The following USP16 variants were observed in gnomAD, a reference collection of about 807,000 sequenced individuals.
The protein encoded by USP16 is ubiquitin specific peptidase 16.
Under a neutral mutation model 95.9 loss-of-function variants are expected in USP16, and 77 were observed. The observed-to-expected ratio is 0.80, with a 90% CI of 0.67 to 0.97. The LOEUF is 0.97. Ranked by LOEUF, USP16 falls within the 50% of genes least tolerant of loss-of-function variation. USP16 has a pLI of 0.00. For missense variants in USP16, 943 were observed against 959.9 expected (o/e 0.98, Z 0.23); for synonymous variants, 303 against 318.2 (o/e 0.95, Z 0.51).
At chr21:29,048,883 T>G in intron 15 of USP16, 28 bp downstream of exon 15, 1 of 1,541,198 alleles carries the variant, frequency 6.5e-7, no homozygotes, top group East Asian at 2.2e-5. Context: ...AAATTTGTTT[T>G]AAATATGTAA....
intron 14 of USP16, 112 bp downstream of exon 14, chr21:29,047,433 C>A: frequency 8.4e-7 from 1 of 1,189,136 alleles, no homozygotes; most frequent in Non-Finnish European, 1.2e-6. Flanking sequence ...AATAAGTGTC[C>A]TTTTCTGTGT....
In USP16 at chr21:29,034,830, T is replaced by A. The variant is rs2085130317; in HGVS notation, c.241-7T>A. On this transcript the variant is annotated splice_region_variant and splice_polypyrimidine_tract_variant and intron_variant, in intron 3 of 17. Transcript: ENST00000399976. ...GGCTTTGAGGTTTATGATTATGATT[T>A]TTTTAGGGCTGTGGCAGAAATTCTC... 1.9e-6 allele frequency: 3 copies of A among 1,613,976 alleles called. No individual in the cohort carries two copies. Among genetic ancestry groups the A allele is most frequent in the Non-Finnish European group, 2.5e-6 (3 of 1,179,900 alleles).
chr21:29,027,771 T>C lies in USP16; in HGVS notation c.-41-102T>C, dbSNP rs2085014273. 3 of 761,206 alleles carry C rather than the reference T, an allele frequency of 3.9e-6. No homozygotes were observed. The East Asian group carries it at 8.1e-5, about 21-fold the overall frequency. 47.2% of individuals were successfully genotyped at this position (761,206 alleles called of 1,614,324 possible). A position where few individuals can be genotyped will look rare whatever the true frequency, so the allele number is the denominator to read the frequency against. On this transcript the variant is annotated intron_variant, in intron 1 of 17. Transcript: ENST00000399976. ...TTGGTCTTTGTAAATTACAATGTGATAGACATGCATAATATACGTGGCTTA... is the reference window on the plus strand; with the variant it reads ...TTGGTCTTTGTAAATTACAATGTGACAGACATGCATAATATACGTGGCTTA...
At chr21:29,030,044 C>T (rs1426342792) in intron 2 of USP16, among the ~76,000 whole-genome samples, 5 of 151,948 alleles carry the variant, frequency 3.3e-5, no homozygotes, top group Non-Finnish European at 7.4e-5. Context: ...GTTACCTCCC[C>T]TGTGAAACTT....
chr21:29,044,398 C>G (rs1206420974), intron 13 of USP16, among the ~76,000 whole-genome samples: 5 of 150,698 alleles, frequency 3.3e-5, no homozygotes, highest in African/African-American at 1.2e-4. Flanking sequence ...TTTGTTTATA[C>G]TTAGATTCTT....
At chr21:29,029,867 T>A (rs940839392) in intron 2 of USP16, among the ~76,000 whole-genome samples, 1 of 152,236 alleles carries the variant, frequency 6.6e-6, no homozygotes, top group South Asian at 2.1e-4. Flanking sequence ...ATGTGGGTAC[T>A]AAATCTTAGT....
At chr21:29,029,034 C>T (rs182901958) in intron 2 of USP16, among the ~76,000 whole-genome samples, 137 of 152,314 alleles carry the variant, frequency 9.0e-4, no homozygotes, top group Middle Eastern at 3.4e-3. Flanking sequence ...CCCCTATTAG[C>T]GTAGTAAAGT....
intron 1 of USP16, chr21:29,025,004 C>G (rs2084964708): frequency 2.9e-6 from 1 of 347,118 alleles, no homozygotes; most frequent in Non-Finnish European, 5.1e-6. Context: ...CCCGTGGACC[C>G]AGAGGTTCCC....
intron 4 of USP16, 26 bp downstream of exon 4, chr21:29,034,966 G>A (rs1485138283): frequency 6.3e-7 from 1 of 1,580,666 alleles, no homozygotes; most frequent in African/African-American, 1.4e-5. Context: ...TCTGCCTCTT[G>A]GGTGGAAATT....
intron 13 of USP16, among the ~76,000 whole-genome samples, chr21:29,045,158 A>G (rs2085304466): frequency 6.6e-6 from 1 of 152,068 alleles, no homozygotes; most frequent in African/African-American, 2.4e-5. Flanking sequence ...GTTTTTGCTT[A>G]TATTCTTTTC....
chr21:29,039,422 A>C, intron 8 of USP16, 59 bp from the exon 9 acceptor site: 1 of 1,547,280 alleles, frequency 6.5e-7, no homozygotes, highest in African/African-American at 1.4e-5. Flanking sequence ...ATTTTCTAAA[A>C]ATAGCTTCAG....
Position 29,042,518 on chromosome 21 carries a change from T to C in USP16, c.1169T>C (p.Leu390Ser), listed in dbSNP as rs541139718. The C allele has an allele frequency of 1.7e-5, 27 of 1,601,946 alleles. No individual in the cohort carries two copies. In the South Asian group the frequency reaches 2.9e-4, roughly 17 times the overall value. Residue 390 changes from leucine (L) to serine (S), a missense_variant, in exon 12 of 18, where the codon TTA becomes TCA. Leu to Ser is a moderately radical substitution (Grantham distance 145). Transcript: ENST00000399976. ...TTCCTTGATTTGTCCCTCCCAGTTT[T>C]AGATGATCAGGTAAGACTATTGAAT... ...ESFLDLSLPV[L>S]DDQSGKKSVN...
chr21:29,026,235 G>C (rs981890806), intron 1 of USP16, among the ~76,000 whole-genome samples: 1 of 152,106 alleles, frequency 6.6e-6, no homozygotes, highest in Non-Finnish European at 1.5e-5. Flanking sequence ...GAGGCAGGTG[G>C]ATCACGAGGT....
chr21:29,041,423 T>C (rs1186019232), intron 10 of USP16, among the ~76,000 whole-genome samples: 1 of 152,190 alleles, frequency 6.6e-6, no homozygotes, highest in Non-Finnish European at 1.5e-5. Flanking sequence ...AGTAAAATTA[T>C]GGCTTTTAGT....
intron 13 of USP16, 48 bp from the exon 14 acceptor site, chr21:29,046,619 C>T (rs377265091): frequency 3.6e-5 from 55 of 1,528,148 alleles, no homozygotes; most frequent in African/African-American, 7.0e-5. Flanking sequence ...CCTTTTCTCC[C>T]GCTCTTTCTT....
In USP16 at chr21:29,024,675, C is replaced by T. The variant is rs1375616484; in HGVS notation, c.-144C>T. 3 of 1,284,228 alleles carry T rather than the reference C, an allele frequency of 2.3e-6. No individual in the cohort carries two copies. The African/African-American group carries it at 4.6e-5, about 20-fold the overall frequency. 79.6% of individuals were successfully genotyped at this position (1,284,228 alleles called of 1,614,324 possible). ...TATTGCTTTCCAGGGGTCACTCTGG[C>T]TTCGACTCCGTCGCTCTCAATTCGT... On this transcript the variant is annotated 5_prime_UTR_variant, in exon 1 of 18. Transcript: ENST00000399976.
At chr21:29,033,519 T>C (rs1023130801) in intron 3 of USP16, among the ~76,000 whole-genome samples, 4 of 152,238 alleles carry the variant, frequency 2.6e-5, no homozygotes, top group Admixed American at 6.5e-5. Flanking sequence ...ACAGTGAAGA[T>C]ATGTTTCTCA....
intron 1 of USP16, chr21:29,025,884 AT>A (rs750072637): frequency 4.4e-5 from 10 of 229,882 alleles, no homozygotes; most frequent in Non-Finnish European, 6.5e-5. Context: ...GAAACCATTT[AT>A]TTTTCTAAGA....
At chr21:29,045,029 T>C (rs2085302541) in intron 13 of USP16, among the ~76,000 whole-genome samples, 1 of 152,214 alleles carries the variant, frequency 6.6e-6, no homozygotes, top group South Asian at 2.1e-4. Flanking sequence ...CAGATTTTGA[T>C]TGGTATGTTA....
Sources: gnomAD v4.1 joint callset for allele counts (sites outside exome capture counted in the v4.1 genomes callset) on GRCh38, gnomAD v4.1.1 for gene constraint, MANE v1.5 for transcripts, NCBI Gene and HGNC (gene_info 2026-07-23, HGNC 2026-07-21) for gene names.